The following CHST11 variants were observed in gnomAD, a reference collection of about 807,000 sequenced individuals.
The protein encoded by CHST11 is C4S-1.
CHST11 carries 9 observed loss-of-function variants against 30.4 expected under a neutral mutation model. The ratio of observed to expected loss-of-function variants is 0.30; its 90% confidence interval spans 0.18 to 0.52. CHST11 has a LOEUF of 0.52. Ranked by LOEUF, CHST11 falls within the 20% of genes least tolerant of loss-of-function variation. The pLI is 0.97. For synonymous variants in CHST11, 152 were observed against 187.8 expected (o/e 0.81, Z 1.56); for missense variants, 348 against 460.6 (o/e 0.76, Z 2.24).
chr12:104,501,276 T>C (rs1349560705), intron 1 of CHST11, among the ~76,000 whole-genome samples: 1 of 152,132 alleles, frequency 6.6e-6, no homozygotes, highest in South Asian at 2.1e-4. Context: ...ACCTGCTGCC[T>C]GGGAGTTCCT....
intron 1 of CHST11, among the ~76,000 whole-genome samples, chr12:104,556,099 C>A (rs1378895337): frequency 6.6e-6 from 1 of 152,172 alleles, no homozygotes; most frequent in East Asian, 1.9e-4. Flanking sequence ...AGAAAGACCC[C>A]CCTCCGCTGG....
intron 2 of CHST11, among the ~76,000 whole-genome samples, chr12:104,736,895 G>A (rs1404017884): frequency 6.6e-6 from 1 of 152,198 alleles, no homozygotes; most frequent in African/African-American, 2.4e-5. Flanking sequence ...TCCTTCTGCT[G>A]CATAAAGCAT....
At chr12:104,587,010 T>C (rs2038812319) in intron 1 of CHST11, among the ~76,000 whole-genome samples, 1 of 152,214 alleles carries the variant, frequency 6.6e-6, no homozygotes, top group Admixed American at 6.5e-5. Flanking sequence ...CAATTTATGC[T>C]GAGGTTTGGG....
At chr12:104,695,297 G>T (rs1331115025) in intron 2 of CHST11, among the ~76,000 whole-genome samples, 2 of 152,142 alleles carry the variant, frequency 1.3e-5, no homozygotes. Flanking sequence ...CCCCTCCAAG[G>T]CCTGATAGTT....
intron 1 of CHST11, among the ~76,000 whole-genome samples, chr12:104,556,082 A>T (rs964148580): frequency 1.3e-5 from 2 of 152,208 alleles, no homozygotes; most frequent in African/African-American, 4.8e-5. Flanking sequence ...TGAGCTTTGG[A>T]GGGACCAGAA....
intron 2 of CHST11, among the ~76,000 whole-genome samples, chr12:104,712,520 A>G (rs1436579416): frequency 6.6e-6 from 1 of 152,174 alleles, no homozygotes; most frequent in Non-Finnish European, 1.5e-5. Context: ...GTCAAAATCC[A>G]GGTCTGTCTG....
intron 2 of CHST11, among the ~76,000 whole-genome samples, chr12:104,663,886 TC>T (rs2039619485): frequency 6.6e-6 from 1 of 152,132 alleles, no homozygotes; most frequent in Non-Finnish European, 1.5e-5. Flanking sequence ...CATCCATCCA[TC>T]CATCCATGTA....
chr12:104,510,712 A>C (rs561996896), intron 1 of CHST11, among the ~76,000 whole-genome samples: 7 of 152,250 alleles, frequency 4.6e-5, no homozygotes, highest in African/African-American at 7.2e-5. Context: ...TTGGCAGACA[A>C]AGCCTTCCCT....
At chr12:104,565,258 A>ATTTTTTTTTT (rs66825272) in intron 1 of CHST11, among the ~76,000 whole-genome samples, 3 of 72,916 alleles carry the variant, frequency 4.1e-5, no homozygotes, top group African/African-American at 5.9e-5. Flanking sequence ...GTTTTCTAGG[A>ATTTTTTTTTT]TTTTTTTTTT....
intron 2 of CHST11, among the ~76,000 whole-genome samples, chr12:104,713,195 A>G (rs1280042107): frequency 6.6e-6 from 1 of 152,146 alleles, no homozygotes; most frequent in Non-Finnish European, 1.5e-5. Context: ...AACACAGGCC[A>G]GGTTGTAGAT....
chr12:104,535,237 C>T (rs139430951), intron 1 of CHST11, among the ~76,000 whole-genome samples: 3 of 152,248 alleles, frequency 2.0e-5, no homozygotes, highest in Non-Finnish European at 4.4e-5. Flanking sequence ...GAGATGCCCT[C>T]GTCCTCCTGG....
intron 1 of CHST11, among the ~76,000 whole-genome samples, chr12:104,525,621 A>G (rs992491887): frequency 6.6e-6 from 1 of 152,230 alleles, no homozygotes; most frequent in African/African-American, 2.4e-5. Flanking sequence ...GAGAACTGGT[A>G]TTAGAATGAA....
rs563889702 is a variant in CHST11, at chr12:104,527,761, A to G, written c.118+70232A>G. ...ACACTGCTGTAAAGAACTACCTCAG[A>G]CTGTGTAATTTATAAAGAAAAGAGG... On this transcript the variant is annotated intron_variant, in intron 1 of 2. Transcript: ENST00000303694. Among the ~76,000 whole-genome samples the G allele has an allele frequency of 2.7e-4, 41 of 152,322 alleles. No homozygotes were observed. The South Asian group carries it at 8.1e-3, about 30-fold the overall frequency.
At chr12:104,485,351 C>T (rs1291006756) in intron 1 of CHST11, among the ~76,000 whole-genome samples, 2 of 152,286 alleles carry the variant, frequency 1.3e-5, no homozygotes, top group East Asian at 3.9e-4. Context: ...TACAGGGGCA[C>T]CTCTAGAGAC....
intron 1 of CHST11, among the ~76,000 whole-genome samples, chr12:104,507,563 A>G (rs1353465272): frequency 3.9e-5 from 6 of 152,156 alleles, no homozygotes; most frequent in Non-Finnish European, 2.9e-5. Flanking sequence ...TGCCACCACA[A>G]TGCTGCCCAG....
intron 2 of CHST11, among the ~76,000 whole-genome samples, chr12:104,730,135 G>A (rs897208751): frequency 4.6e-5 from 7 of 152,228 alleles, no homozygotes; most frequent in African/African-American, 7.2e-5. Context: ...GCTTCCAGTC[G>A]ACTCTGAAAG....
At chr12:104,619,781 A>G (rs1259728938) in intron 2 of CHST11, among the ~76,000 whole-genome samples, 1 of 152,212 alleles carries the variant, frequency 6.6e-6, no homozygotes, top group African/African-American at 2.4e-5. Flanking sequence ...TCATCTCGCA[A>G]ACCCATTCAC....
At chr12:104,550,112 G>T (rs545373236) in intron 1 of CHST11, among the ~76,000 whole-genome samples, 1 of 152,146 alleles carries the variant, frequency 6.6e-6, no homozygotes, top group African/African-American at 2.4e-5. Context: ...CCTTGTGGCT[G>T]TGCCGAGTTG....
At chr12:104,627,846 T>C (rs2039231855) in intron 2 of CHST11, among the ~76,000 whole-genome samples, 1 of 152,148 alleles carries the variant, frequency 6.6e-6, no homozygotes, top group African/African-American at 2.4e-5. Context: ...GTGGTGGTGA[T>C]AACTAGCAGC....
Sources: gnomAD v4.1 joint callset for allele counts (sites outside exome capture counted in the v4.1 genomes callset) on GRCh38, gnomAD v4.1.1 for gene constraint, MANE v1.5 for transcripts, NCBI Gene and HGNC (gene_info 2026-07-23, HGNC 2026-07-21) for gene names.